Variants in EFHC2 observed in about 807,000 individuals in gnomAD.
The protein encoded by EFHC2 is EF-hand domain containing 2.
A neutral mutation model predicts 52.7 loss-of-function variants in EFHC2; 18 were observed. The ratio of observed to expected loss-of-function variants is 0.34; its 90% CI spans 0.24 to 0.51. The LOEUF (loss-of-function observed/expected upper bound fraction) is 0.51. Among genes scored for constraint, EFHC2 ranks in the 20% least tolerant of loss-of-function variants. The pLI is 0.97. For synonymous variants in EFHC2, 203 were observed against 204.1 expected (o/e 0.99, Z 0.04); for missense variants, 513 against 562.5 (o/e 0.91, Z 0.89).
intron 2 of EFHC2, among the ~76,000 whole-genome samples, chrX:44,275,906 G>A (rs1200785289): frequency 4.0e-5 from 4 of 99,321 alleles, no homozygotes; most frequent in East Asian, 3.1e-4. Flanking sequence ...AGAGTGAGAC[G>A]CCATCTCAAA....
At chrX:44,196,774 T>C (rs1401864239) in intron 11 of EFHC2, among the ~76,000 whole-genome samples, 1 of 112,249 alleles carries the variant, frequency 8.9e-6, no homozygotes, top group African/African-American at 3.2e-5. Flanking sequence ...GTCATGGATA[T>C]TTGCTGGCTT....
At chrX:44,251,442 G>A (rs1313354853) in intron 4 of EFHC2, among the ~76,000 whole-genome samples, 2 of 99,109 alleles carry the variant, frequency 2.0e-5, no homozygotes, top group Admixed American at 1.1e-4. Context: ...TACTAAAAAT[G>A]CAAAAAAGTT....
chrX:44,159,089 C>G (rs901779457), intron 14 of EFHC2, among the ~76,000 whole-genome samples: 1 of 112,527 alleles, frequency 8.9e-6, no homozygotes, highest in African/African-American at 3.2e-5. Flanking sequence ...ATGCTAACTC[C>G]AGAGCTCCCT....
At chrX:44,322,096 G>A (rs1177277854) in intron 1 of EFHC2, among the ~76,000 whole-genome samples, 1 of 105,598 alleles carries the variant, frequency 9.5e-6, no homozygotes, top group Admixed American at 1.1e-4. Flanking sequence ...CAGGCCAAGT[G>A]CCTAGAACAG....
At chrX:44,235,474 A>G in intron 8 of EFHC2, 27 bp from the exon 9 acceptor site, 1 of 1,142,459 alleles carries the variant, frequency 8.8e-7, no homozygotes, top group Non-Finnish European at 1.2e-6. Flanking sequence ...TGAGAGTTAG[A>G]GCATTATACA....
intron 13 of EFHC2, among the ~76,000 whole-genome samples, chrX:44,173,667 G>T (rs2036762593): frequency 8.9e-6 from 1 of 112,174 alleles, no homozygotes; most frequent in Admixed American, 9.5e-5. Context: ...AACATGGTCT[G>T]CTTAGCAGCT....
At chrX:44,279,218 C>A (rs2037683471) in intron 2 of EFHC2, among the ~76,000 whole-genome samples, 1 of 111,723 alleles carries the variant, frequency 9.0e-6, no homozygotes, top group Admixed American at 9.5e-5. Context: ...GTGGTGCATG[C>A]CTGTAATCCC....
At position 44,319,204 on chromosome X, in the gene EFHC2, C is replaced by T. The variant is rs1024624571; in HGVS notation, c.43-6448G>A. Reference sequence around the variant, plus strand: ...TTTCAGTAGAAACGGGGTTTCACCACGTTGGCCAGGCTGGTCTCAAACTCC... The same window carrying T: ...TTTCAGTAGAAACGGGGTTTCACCATGTTGGCCAGGCTGGTCTCAAACTCC... On this transcript the variant is annotated intron_variant, in intron 1 of 14. Transcript: ENST00000420999. Among the ~76,000 whole-genome samples the T allele has an allele frequency of 1.2e-3, 131 of 109,604 alleles. 1 individual carries two copies. The highest frequency in any genetic ancestry group is 4.1e-3 in the African/African-American group (123 of 30,096).
intron 9 of EFHC2, among the ~76,000 whole-genome samples, chrX:44,234,894 T>C (rs1466156423): frequency 1.8e-5 from 2 of 111,875 alleles, no homozygotes; most frequent in Admixed American, 9.4e-5. Context: ...GGGATTCTTG[T>C]CTTACAGCCA....
chrX:44,283,224 C>A (rs945709797), intron 2 of EFHC2, among the ~76,000 whole-genome samples: 2 of 111,536 alleles, frequency 1.8e-5, no homozygotes, highest in African/African-American at 6.5e-5. Flanking sequence ...GCTCTGTCCC[C>A]CAGGCTGGAG....
intron 2 of EFHC2, among the ~76,000 whole-genome samples, chrX:44,299,115 A>G (rs2037850447): frequency 9.0e-6 from 1 of 110,536 alleles, no homozygotes; most frequent in South Asian, 3.8e-4. Context: ...TGAAATCCAA[A>G]TAAAGTTTGC....
Position 44,326,717 on chromosome X carries a change from A to ATT in EFHC2, c.43-13963_43-13962dup, listed in dbSNP as rs773265380. On this transcript the variant is annotated intron_variant, in intron 1 of 14. Coordinates refer to ENST00000420999, the MANE Select transcript of EFHC2 (RefSeq NM_025184.4). ...ATCCCTATTTTATGCATGGAGTCTG[A>ATT]TTTTTTTTTTTTTTTTTTTTTTTTT... Among the ~76,000 whole-genome samples, 22 of 45,048 alleles carry ATT rather than the reference A, an allele frequency of 4.9e-4. 2 individuals are homozygous for ATT. Among genetic ancestry groups the ATT allele is most frequent in the Admixed American group, 9.5e-4 (3 of 3,147 alleles). 39.1% of individuals were successfully genotyped at this position (45,048 alleles called of 115,157 possible).
chrX:44,174,651 A>AGG (rs370737090), intron 13 of EFHC2, among the ~76,000 whole-genome samples: 46 of 56,945 alleles, frequency 8.1e-4, no homozygotes, highest in African/African-American at 2.8e-3. Context: ...CAAAAAAAAA[A>AGG]GGGGGGGGGA....
At chrX:44,245,029 T>TCAA (rs746411669) in intron 7 of EFHC2, among the ~76,000 whole-genome samples, 2 of 112,059 alleles carry the variant, frequency 1.8e-5, no homozygotes, top group Non-Finnish European at 3.8e-5. Flanking sequence ...TCCTCCCATC[T>TCAA]CAACCATCTT....
At chrX:44,320,549 C>G (rs1291977464) in intron 1 of EFHC2, among the ~76,000 whole-genome samples, 2 of 111,579 alleles carry the variant, frequency 1.8e-5, no homozygotes, top group African/African-American at 6.5e-5. Flanking sequence ...TGGGTCCTAA[C>G]TGTCTCTCCT....
intron 8 of EFHC2, among the ~76,000 whole-genome samples, chrX:44,241,075 A>T (rs185909352): frequency 6.9e-4 from 77 of 111,220 alleles, no homozygotes; most frequent in African/African-American, 2.3e-3. Context: ...GAAATTCAGG[A>T]TGTCTTTTTC....
intron 11 of EFHC2, among the ~76,000 whole-genome samples, chrX:44,200,253 A>G (rs943021837): frequency 4.5e-5 from 5 of 111,801 alleles, no homozygotes; most frequent in Admixed American, 9.5e-5. Flanking sequence ...CAAAGGAACA[A>G]TGAAGTGGAG....
At chrX:44,270,305 G>A (rs915190342) in intron 3 of EFHC2, among the ~76,000 whole-genome samples, 21 of 111,598 alleles carry the variant, frequency 1.9e-4, no homozygotes, top group African/African-American at 6.8e-4. Flanking sequence ...TCAATCTCAT[G>A]AGCATTGAAG....
chrX:44,230,512 C>CT (rs1382881946), intron 10 of EFHC2, among the ~76,000 whole-genome samples: 2 of 111,660 alleles, frequency 1.8e-5, no homozygotes, highest in East Asian at 2.8e-4. Context: ...ACTCCTCCCA[C>CT]TTTTTTTGCA....
Sources: gnomAD v4.1 joint callset for allele counts (sites outside exome capture counted in the v4.1 genomes callset) on GRCh38, gnomAD v4.1.1 for gene constraint, MANE v1.5 for transcripts, NCBI Gene and HGNC (gene_info 2026-07-23, HGNC 2026-07-21) for gene names.